SCYL3: variants seen among roughly 807,000 people sequenced by gnomAD.
SCYL3 encodes the protein SCY1 like pseudokinase 3.
A neutral mutation model predicts 73.8 loss-of-function variants in SCYL3; 35 were observed. The ratio of observed to expected loss-of-function variants is 0.47; its 90% CI spans 0.36 to 0.63. The LOEUF (loss-of-function observed/expected upper bound fraction) is 0.63. Among genes scored for constraint, SCYL3 ranks in the 20% least tolerant of loss-of-function variants. The probability of loss-of-function intolerance (pLI) is 0.00; values close to 1 mark genes in which losing one functional copy is unlikely to be tolerated. For synonymous variants in SCYL3, 277 were observed against 295.2 expected (o/e 0.94, Z 0.63); for missense variants, 712 against 798.9 (o/e 0.89, Z 1.31).
chr1:169,883,147 T>C (rs184332484), intron 2 of SCYL3, among the ~76,000 whole-genome samples: 1 of 151,836 alleles, frequency 6.6e-6, no homozygotes, highest in East Asian at 1.9e-4. Context: ...AGGAACAAAC[T>C]CCAGACACGC....
At chr1:169,872,137 C>G (rs1025330311) in intron 5 of SCYL3, among the ~76,000 whole-genome samples, 1 of 152,284 alleles carries the variant, frequency 6.6e-6, no homozygotes, top group African/African-American at 2.4e-5. Context: ...CCTCCCATCA[C>G]AGGCCTGCAG....
At position 169,870,288 on chromosome 1, in the gene SCYL3, C is replaced by T. The variant is rs759089536; in HGVS notation, c.592G>A (p.Val198Met). Residue 198 changes from valine (V) to methionine (M), a missense_variant, in exon 6 of 13, where the codon GTG becomes ATG. By Grantham distance (21) the Val-to-Met change is conservative. Transcript: ENST00000367771. ...TTTAAGATTGTGAGCAAACTTTCCA[C>T]CAATGTTCCAAATGAAAAGGCATCC... ...ARDAFSFGTLVESLLTILNEQ... is the reference protein window; with the variant it reads ...ARDAFSFGTLMESLLTILNEQ... 1.2e-6 allele frequency: 2 copies of T among 1,613,602 alleles called. No individual in the cohort carries two copies. Among genetic ancestry groups the T allele is most frequent in the African/African-American group, 1.3e-5 (1 of 74,888 alleles).
intron 4 of SCYL3, among the ~76,000 whole-genome samples, chr1:169,875,574 T>C (rs769049944): frequency 4.6e-5 from 7 of 152,242 alleles, no homozygotes; most frequent in Non-Finnish European, 2.9e-5. Context: ...GGCACTATTC[T>C]AGGTAGAGGT....
At chr1:169,880,598 C>CAA (rs76593745) in intron 2 of SCYL3, among the ~76,000 whole-genome samples, 1 of 86,912 alleles carries the variant, frequency 1.2e-5, no homozygotes, top group Non-Finnish European at 2.9e-5. Flanking sequence ...CTTTTGGTGA[C>CAA]AAAAAAAAAA....
Position 169,880,377 on chromosome 1 carries a change from A to ACTTTCTTGCCAGAAGACCTGC in SCYL3, c.166-1559_166-1558insGCAGGTCTTCTGGCAAGAAAG, listed in dbSNP as rs1282954813. On this transcript the variant is annotated intron_variant, in intron 2 of 12. Coordinates refer to ENST00000367771, the MANE Select transcript of SCYL3 (RefSeq NM_020423.7). ...AAACATATTACCATCAAACTGCTAA[A>ACTTTCTTGCCAGAAGACCTGC]TATCAAAGATAAAAAAATCTTAGAA... Among the ~76,000 whole-genome samples, 196 of 142,104 alleles carry ACTTTCTTGCCAGAAGACCTGC rather than the reference A, an allele frequency of 1.4e-3. 1 individual carries two copies. Among genetic ancestry groups the ACTTTCTTGCCAGAAGACCTGC allele is most frequent in the South Asian group, 1.5e-3 (7 of 4,658 alleles). The allele number at this position is 142,104 out of a possible 152,430, so 93.2% of individuals were successfully genotyped here.
At chr1:169,875,849 C>G (rs891500081) in intron 4 of SCYL3, 129 bp downstream of exon 4, 7 of 460,250 alleles carry the variant, frequency 1.5e-5, no homozygotes, top group Non-Finnish European at 2.7e-5. Flanking sequence ...TAAATGAGGG[C>G]ACTGACAAAA....
chr1:169,875,046 C>T (rs79228533), intron 4 of SCYL3, among the ~76,000 whole-genome samples: 2,377 of 152,260 alleles, frequency 0.016, 64 homozygotes, highest in African/African-American at 0.054. Flanking sequence ...GAAAGGATTA[C>T]ATGCTATATA....
chr1:169,858,690 A>T (rs1209855185), intron 11 of SCYL3, among the ~76,000 whole-genome samples: 1 of 152,222 alleles, frequency 6.6e-6, no homozygotes, highest in East Asian at 1.9e-4. Context: ...TACAGCTACA[A>T]CATCAACTGC....
chr1:169,862,082 T>C (rs1158757391), intron 10 of SCYL3, among the ~76,000 whole-genome samples: 9 of 152,212 alleles, frequency 5.9e-5, no homozygotes, highest in African/African-American at 2.2e-4. Context: ...GGTTTTAGAC[T>C]TCTGGCCTCC....
At chr1:169,890,915 T>C (rs1230787018) in intron 1 of SCYL3, among the ~76,000 whole-genome samples, 1 of 152,222 alleles carries the variant, frequency 6.6e-6, no homozygotes, top group Non-Finnish European at 1.5e-5. Context: ...GTTCTGGAGA[T>C]AGAGTGCTGG....
In SCYL3 at chr1:169,888,680, G is replaced by A. The variant is rs139956887; in HGVS notation, c.161C>T (p.Ala54Val). 2.6e-5 allele frequency: 42 copies of A among 1,612,882 alleles called. No individual in the cohort carries two copies. Among genetic ancestry groups the A allele is most frequent in the Non-Finnish European group, 3.4e-5 (40 of 1,179,356 alleles). ...RENEDKVNKA[A>V]KHLKTLRHPC... ...AGTCGTCACCTATTATGGTACCTTG[G>A]CAGCTTTATTAACCTTGTCTTCATT... The change falls in exon 2 of 13, where the codon GCC (alanine) becomes GTC (valine). Residue 54 changes from alanine (A) to valine (V), a missense_variant. Ala to Val is a moderately conservative substitution (Grantham distance 64). Transcript: ENST00000367771.
intron 2 of SCYL3, among the ~76,000 whole-genome samples, chr1:169,886,408 C>T (rs1661692175): frequency 6.6e-6 from 1 of 152,150 alleles, no homozygotes; most frequent in Admixed American, 6.5e-5. Context: ...TCTTGTTATG[C>T]CCACACAATG....
At chr1:169,888,456 C>G (rs1225134733) in intron 2 of SCYL3, among the ~76,000 whole-genome samples, 2 of 152,126 alleles carry the variant, frequency 1.3e-5, no homozygotes, top group Non-Finnish European at 2.9e-5. Flanking sequence ...AGCCATTGTA[C>G]TGAGTTTTAT....
chr1:169,878,468 C>G (rs1661008410), intron 3 of SCYL3, among the ~76,000 whole-genome samples, 166 bp downstream of exon 3: 1 of 152,216 alleles, frequency 6.6e-6, no homozygotes, highest in Non-Finnish European at 1.5e-5. Flanking sequence ...ATCTATAGCA[C>G]CTCTTGTGCC....
chr1:169,876,958 TAAAAAAAAAAAAAAA>T (rs61051062), intron 3 of SCYL3, among the ~76,000 whole-genome samples: 25 of 76,402 alleles, frequency 3.3e-4, no homozygotes, highest in Non-Finnish European at 5.0e-4. Context: ...TTGTCTCAAA[TAAAAAAAAAAAAAAA>T]AAAAAAAAAA....
Position 169,853,102 on chromosome 1 carries a change from A to ATCTT in SCYL3, c.*607_*610dup. 1.0e-6 allele frequency: 1 copy of ATCTT among 967,442 alleles called. No individual in the cohort carries two copies. Among genetic ancestry groups the ATCTT allele is most frequent in the South Asian group, 1.6e-5 (1 of 61,718 alleles). 59.9% of individuals were successfully genotyped at this position (967,442 alleles called of 1,614,324 possible). Reference sequence around the variant, plus strand: ...TGTAAAGTTGAATCTAGTGAAAATAATCTTTATTTGACATTTAGAGAACAG... The same window carrying ATCTT: ...TGTAAAGTTGAATCTAGTGAAAATAATCTTTCTTTATTTGACATTTAGAGAACAG... On this transcript the variant is annotated 3_prime_UTR_variant, in exon 13 of 13. Coordinates refer to ENST00000367771, the MANE Select transcript of SCYL3 (RefSeq NM_020423.7).
chr1:169,853,131 T>C lies in SCYL3; in HGVS notation c.*582A>G. 3.8e-6 allele frequency: 3 copies of C among 789,350 alleles called. No homozygotes were observed. The highest frequency in any genetic ancestry group is 6.1e-6 in the Non-Finnish European group (3 of 494,314). 48.9% of individuals were successfully genotyped at this position (789,350 alleles called of 1,614,324 possible). On this transcript the variant is annotated 3_prime_UTR_variant, in exon 13 of 13. Coordinates refer to ENST00000367771, the MANE Select transcript of SCYL3 (RefSeq NM_020423.7). Reference sequence around the variant, plus strand: ...TTATTTGACATTTAGAGAACAGGATTGTGGGGAATATTCTTATTAAGAACT... The same window carrying C: ...TTATTTGACATTTAGAGAACAGGATCGTGGGGAATATTCTTATTAAGAACT...
intron 2 of SCYL3, among the ~76,000 whole-genome samples, chr1:169,886,655 A>C (rs1231163555): frequency 6.6e-6 from 1 of 152,166 alleles, no homozygotes; most frequent in Non-Finnish European, 1.5e-5. Flanking sequence ...CAGCAACCAA[A>C]TTCGGGCTTA....
intron 1 of SCYL3, among the ~76,000 whole-genome samples, chr1:169,891,569 C>G (rs895990557): frequency 6.6e-6 from 1 of 152,226 alleles, no homozygotes; most frequent in African/African-American, 2.4e-5. Context: ...GTCTGACCGT[C>G]TCTCTCTCAC....
Sources: allele counts gnomAD v4.1 joint callset (sites outside exome capture counted in the v4.1 genomes callset), GRCh38; gene constraint gnomAD v4.1.1; transcripts MANE v1.5; gene names NCBI Gene and HGNC (gene_info 2026-07-23, HGNC 2026-07-21).